Variants in ZNF555 observed in about 807,000 individuals in gnomAD.
ZNF555 encodes the protein zinc finger protein 555.
In ZNF555, 10 loss-of-function variants were observed where a neutral mutation model predicts 14.0. The ratio of observed to expected loss-of-function variants is 0.72; its 90% confidence interval spans 0.44 to 1.21. ZNF555 has a LOEUF of 1.21. ZNF555 is among the 50% of genes most tolerant of loss of function. The probability of loss-of-function intolerance (pLI) is 0.00; values close to 1 mark genes in which losing one functional copy is unlikely to be tolerated. For missense variants in ZNF555, 747 were observed against 762.0 expected, an observed-to-expected ratio of 0.98 and a Z score of 0.23; for synonymous variants, 277 against 262.4, an observed-to-expected ratio of 1.06 and a Z score of -0.54.
chr19:2,856,123 G>T lies in ZNF555; in HGVS notation c.*2171G>T, dbSNP rs1019997560. Reference sequence around the variant, plus strand: ...TTTAAGCATGTTACATTTTGAATCAGTATTACCAAGTATATACAAATACAG... The same window carrying T: ...TTTAAGCATGTTACATTTTGAATCATTATTACCAAGTATATACAAATACAG... On this transcript the variant is annotated 3_prime_UTR_variant, in exon 4 of 4. Coordinates refer to ENST00000334241, the MANE Select transcript of ZNF555 (RefSeq NM_152791.5). 1.3e-5 allele frequency: 2 copies of T among 151,856 alleles called. No homozygotes were observed. Among genetic ancestry groups the T allele is most frequent in the Non-Finnish European group, 2.9e-5 (2 of 68,002 alleles). 9.4% of individuals were successfully genotyped at this position (151,856 alleles called of 1,614,324 possible). A position where few individuals can be genotyped will look rare whatever the true frequency, so the allele number is the denominator to read the frequency against.
Position 2,853,594 on chromosome 19 carries a change from G to A in ZNF555, c.1529G>A (p.Cys510Tyr). 6.2e-7 allele frequency: 1 copy of A among 1,610,012 alleles called. No homozygotes were observed. Among genetic ancestry groups the A allele is most frequent in the East Asian group, 2.2e-5 (1 of 44,808 alleles). Residue 510 changes from cysteine to tyrosine, a missense_variant, in exon 4 of 4, where the codon TGC becomes TAC. Transcript: ENST00000334241. ...RRHTAEKLYK[C>Y]KQCGKAFSWP... ...CATACCGCAGAGAAACTCTATAAAT[G>A]CAAGCAGTGTGGGAAAGCTTTCAGT...
chr19:2,846,627 C>T (rs779846179), intron 1 of ZNF555, among the ~76,000 whole-genome samples: 4 of 152,232 alleles, frequency 2.6e-5, no homozygotes, highest in Non-Finnish European at 5.9e-5. Context: ...CAGGTTTTAG[C>T]TTACAGTCAA....
intron 1 of ZNF555, among the ~76,000 whole-genome samples, chr19:2,844,461 A>G (rs1599560655): frequency 6.6e-6 from 1 of 151,842 alleles, no homozygotes; most frequent in African/African-American, 2.4e-5. Flanking sequence ...CTGGTCTCGA[A>G]CTCCTGACCT....
chr19:2,844,081 TTCTC>T (rs1568341401), intron 1 of ZNF555, among the ~76,000 whole-genome samples: 1 of 109,016 alleles, frequency 9.2e-6, no homozygotes, highest in Admixed American at 8.8e-5. Flanking sequence ...CCTCTTTCCT[TTCTC>T]TCTCTCTCTT....
At chr19:2,845,521 T>C (rs1050295890) in intron 1 of ZNF555, among the ~76,000 whole-genome samples, 2 of 152,216 alleles carry the variant, frequency 1.3e-5, no homozygotes, top group Non-Finnish European at 2.9e-5. Context: ...TTTTTAGTTC[T>C]TTGAGAAATC....
chr19:2,847,972 C>T (rs1337354967), intron 1 of ZNF555, among the ~76,000 whole-genome samples: 2 of 152,096 alleles, frequency 1.3e-5, no homozygotes, highest in African/African-American at 2.4e-5. Context: ...CGGAGTGTCC[C>T]CTGCCTCCCC....
intron 1 of ZNF555, among the ~76,000 whole-genome samples, chr19:2,845,489 G>A (rs1362907429): frequency 6.6e-6 from 1 of 152,174 alleles, no homozygotes; most frequent in African/African-American, 2.4e-5. Flanking sequence ...TAGTGGGATT[G>A]CTGGGTTGAA....
In ZNF555 at chr19:2,852,380, T is replaced by C; in HGVS notation, c.315T>C (p.Ser105=). 1 of 1,613,936 alleles carries C rather than the reference T, an allele frequency of 6.2e-7. No individual in the cohort carries two copies. Among genetic ancestry groups the C allele is most frequent in the Non-Finnish European group, 8.5e-7 (1 of 1,179,994 alleles). ...CCAATAACATGCTTCTCATTTTTAG[T>C]AGAAATCATGGGTTGGAGAGACTCT... ...DQTTNQGRNL[S]RNHGLERLCE... The change falls in exon 4 of 4, where the codon AGT becomes AGC. Residue 105 remains serine, a splice_region_variant and synonymous_variant. Transcript: ENST00000334241.
At chr19:2,844,016 C>T (rs1195783164) in intron 1 of ZNF555, among the ~76,000 whole-genome samples, 2 of 152,022 alleles carry the variant, frequency 1.3e-5, no homozygotes, top group Admixed American at 6.6e-5. Context: ...CTGTAGGCAC[C>T]TGCTACCATG....
rs368050960 is a variant in ZNF555 at position 2,859,640 on chromosome 19, C to G, written c.*5688C>G. 6.6e-6 allele frequency: 1 copy of G among 152,240 alleles called. No homozygotes were observed. Among genetic ancestry groups the G allele is most frequent in the African/African-American group, 2.4e-5 (1 of 41,406 alleles). 9.4% of individuals were successfully genotyped at this position (152,240 alleles called of 1,614,324 possible). A position where few individuals can be genotyped will look rare whatever the true frequency, so the allele number is the denominator to read the frequency against. Reference sequence around the variant, plus strand: ...TACAGCATCATCACTCTTGTCCTGTCGCAGACTCAGGCTCCCTGTTCTCAG... The same window carrying G: ...TACAGCATCATCACTCTTGTCCTGTGGCAGACTCAGGCTCCCTGTTCTCAG... On this transcript the variant is annotated 3_prime_UTR_variant, in exon 4 of 4. Coordinates refer to ENST00000334241, the MANE Select transcript of ZNF555 (RefSeq NM_152791.5).
chr19:2,848,731 A>C (rs968853449), intron 1 of ZNF555, among the ~76,000 whole-genome samples: 1 of 152,182 alleles, frequency 6.6e-6, no homozygotes, highest in African/African-American at 2.4e-5. Context: ...GACAGGTGGG[A>C]GCCATTGCAT....
At position 2,855,947 on chromosome 19, in the gene ZNF555, A is replaced by G. The variant is rs1361235124; in HGVS notation, c.*1995A>G. The G allele has an allele frequency of 6.6e-6, 1 of 152,214 alleles. No individual in the cohort carries two copies. Among genetic ancestry groups the G allele is most frequent in the Non-Finnish European group, 1.5e-5 (1 of 68,050 alleles). 9.4% of individuals were successfully genotyped at this position (152,214 alleles called of 1,614,324 possible). A position where few individuals can be genotyped will look rare whatever the true frequency, so the allele number is the denominator to read the frequency against. On this transcript the variant is annotated 3_prime_UTR_variant, in exon 4 of 4. Coordinates refer to ENST00000334241, the MANE Select transcript of ZNF555 (RefSeq NM_152791.5). ...TTTACCTTAACTAATTACATTGGCA[A>G]CAGCTCTCTTTTCGCATACTGAGGC...
intron 1 of ZNF555, among the ~76,000 whole-genome samples, chr19:2,845,405 A>G (rs1190610193): frequency 1.3e-5 from 2 of 152,174 alleles, no homozygotes; most frequent in Admixed American, 1.3e-4. Flanking sequence ...GCTATTGTGA[A>G]TGCTGCTGCA....
chr19:2,849,949 C>T lies in ZNF555; in HGVS notation c.4-638C>T, dbSNP rs561780828. 2.0e-5 allele frequency among the ~76,000 whole-genome samples: 3 copies of T among 152,218 alleles called. No individual in the cohort carries two copies. In the South Asian group the frequency reaches 6.2e-4, roughly 32 times the overall value. On this transcript the variant is annotated intron_variant, in intron 1 of 3. Coordinates refer to ENST00000334241, the MANE Select transcript of ZNF555 (RefSeq NM_152791.5). The stretch of plus-strand genomic sequence containing the variant: ...TTGTTGGGCTTCCGTCACTGAGGCT[C>T]GAAGTATAGGGAATGTGTGGAGGTC...
At chr19:2,842,769 G>C (rs139978755) in intron 1 of ZNF555, among the ~76,000 whole-genome samples, 4 of 152,166 alleles carry the variant, frequency 2.6e-5, no homozygotes, top group African/African-American at 9.7e-5. Flanking sequence ...CAGGCCGGGC[G>C]CGGTGGCTCA....
At chr19:2,843,228 A>G (rs969108793) in intron 1 of ZNF555, among the ~76,000 whole-genome samples, 11 of 152,158 alleles carry the variant, frequency 7.2e-5, no homozygotes, top group African/African-American at 2.7e-4. Flanking sequence ...CACTGGTGCG[A>G]TCACAGCTCA....
At position 2,859,380 on chromosome 19, in the gene ZNF555, A is replaced by G. The variant is rs1209138028; in HGVS notation, c.*5428A>G. 2 of 152,112 alleles carry G rather than the reference A, an allele frequency of 1.3e-5. No individual in the cohort carries two copies. The highest frequency in any genetic ancestry group is 2.4e-5 in the African/African-American group (1 of 41,410). The allele number at this position is 152,112 out of a possible 1,614,324, so 9.4% of individuals were successfully genotyped here. A position where few individuals can be genotyped will look rare whatever the true frequency, so the allele number is the denominator to read the frequency against. ...GACAGCCCGTGCTCCAGAGGCCTTC[A>G]TCTTGTGATGGCAGATGTACTTGAG... On this transcript the variant is annotated 3_prime_UTR_variant, in exon 4 of 4. Coordinates refer to ENST00000334241, the MANE Select transcript of ZNF555 (RefSeq NM_152791.5).
intron 1 of ZNF555, among the ~76,000 whole-genome samples, chr19:2,849,241 G>A (rs1395564995): frequency 3.3e-5 from 5 of 152,070 alleles, no homozygotes; most frequent in Admixed American, 3.3e-4. Context: ...CATCTCGGGG[G>A]TTCCATGCAC....
rs147891673 is a variant in ZNF555 at position 2,853,047 on chromosome 19, C to T, written c.982C>T (p.Arg328Ter). ...GGCCTTCAGTTATTCTTCGGCTTTT[C>T]GAAGACACATGATAACACACACTGG... is the stretch of plus-strand genomic sequence containing the variant. Reference protein sequence around the residue: ...GEAFSYSSAFRRHMITHTGEK... With the variant: ...GEAFSYSSAF The change falls in exon 4 of 4, where the codon CGA becomes TGA. Residue 328 changes from arginine to a stop codon, truncating the protein, a stop_gained. Coordinates refer to ENST00000334241, the MANE Select transcript of ZNF555 (RefSeq NM_152791.5). LOFTEE classifies it low-confidence loss of function (END_TRUNC). The T allele has an allele frequency of 6.9e-5, 112 of 1,613,976 alleles. No individual in the cohort carries two copies. The highest frequency in any genetic ancestry group is 7.3e-5 in the Non-Finnish European group (86 of 1,180,028).
Sources: allele counts gnomAD v4.1 joint callset (sites outside exome capture counted in the v4.1 genomes callset), GRCh38; gene constraint gnomAD v4.1.1; transcripts MANE v1.5; gene names NCBI Gene and HGNC (gene_info 2026-07-23, HGNC 2026-07-21).